FXYD6: variants seen among roughly 807,000 people sequenced by gnomAD.
FXYD6 encodes FXYD domain-containing ion transport regulator 6.
A neutral mutation model predicts 16.7 loss-of-function variants in FXYD6; 7 were observed. That is an observed-to-expected ratio of 0.42 (90% CI 0.24 to 0.79). FXYD6 has a LOEUF of 0.79. FXYD6 is among the 30% of genes least tolerant of loss of function. The pLI is 0.28. For synonymous variants in FXYD6, 49 were observed against 43.0 expected (o/e 1.14, Z -0.54); for missense variants, 111 against 116.2 (o/e 0.95, Z 0.21).
chr11:117,857,525 C>G (rs939627271), intron 1 of FXYD6, among the ~76,000 whole-genome samples: 1 of 151,286 alleles, frequency 6.6e-6, no homozygotes, highest in Non-Finnish European at 1.5e-5. Flanking sequence ...TCTCCTGTCT[C>G]AGCCTCCTGA....
chr11:117,874,100 C>A (rs1008915679), intron 1 of FXYD6, among the ~76,000 whole-genome samples: 32 of 152,178 alleles, frequency 2.1e-4, no homozygotes, highest in African/African-American at 7.7e-4. Flanking sequence ...GCCTCAGTTT[C>A]CCCCACTGTG....
chr11:117,847,982 C>T (rs1005676214), intron 1 of FXYD6, among the ~76,000 whole-genome samples: 2 of 152,182 alleles, frequency 1.3e-5, no homozygotes, highest in African/African-American at 4.8e-5. Flanking sequence ...GTCCCACCAA[C>T]AGTGTAAAAT....
intron 1 of FXYD6, among the ~76,000 whole-genome samples, chr11:117,871,177 G>T (rs1212566991): frequency 6.6e-6 from 1 of 152,126 alleles, no homozygotes; most frequent in African/African-American, 2.4e-5. Context: ...CTCAGATGGG[G>T]TCAAATTCTT....
At chr11:117,861,049 G>C (rs2056893403) in intron 1 of FXYD6, among the ~76,000 whole-genome samples, 1 of 152,150 alleles carries the variant, frequency 6.6e-6, no homozygotes, top group African/African-American at 2.4e-5. Context: ...CTGTGGCCTC[G>C]GGAGCGTTAC....
chr11:117,842,166 G>T (rs1217458301), intron 2 of FXYD6, 138 bp from the exon 3 acceptor site: 5 of 1,343,690 alleles, frequency 3.7e-6, no homozygotes, highest in South Asian at 1.3e-5. Context: ...ATGCCTAGAG[G>T]TGCACGGTAG....
intron 1 of FXYD6, among the ~76,000 whole-genome samples, chr11:117,845,924 A>C (rs1462611917): frequency 6.6e-6 from 1 of 152,248 alleles, no homozygotes; most frequent in Non-Finnish European, 1.5e-5. Context: ...CACACTCGGC[A>C]GTTTGAACAG....
rs75448355 is a variant in FXYD6, at chr11:117,860,418, C to T, written c.-6+16174G>A. 7.0e-3 allele frequency among the ~76,000 whole-genome samples: 1,071 copies of T among 152,324 alleles called. 6 individuals carry two copies. The highest frequency in any genetic ancestry group is 0.011 in the Non-Finnish European group (743 of 68,028). On this transcript the variant is annotated intron_variant, in intron 1 of 7. Transcript: ENST00000526014. ...CGCAGAGAGCCACAATGCAGGGGCTCCCGCATCTGGATGAACATTTACCAA... is the reference window on the plus strand; with the variant it reads ...CGCAGAGAGCCACAATGCAGGGGCTTCCGCATCTGGATGAACATTTACCAA...
chr11:117,867,880 G>A lies in FXYD6; in HGVS notation c.-6+8712C>T, dbSNP rs76921515. On this transcript the variant is annotated intron_variant, in intron 1 of 7. Transcript: ENST00000526014. ...AAGAAAGAAAAGAAAAAAGATGCCT[G>A]GAAATCAACTCAGCCACATTCAGCT... 0.012 allele frequency among the ~76,000 whole-genome samples: 1,893 copies of A among 152,270 alleles called. 179 individuals carry two copies. The East Asian group carries it at 0.19, about 15-fold the overall frequency.
At chr11:117,860,709 T>G (rs562105002) in intron 1 of FXYD6, among the ~76,000 whole-genome samples, 64 of 152,310 alleles carry the variant, frequency 4.2e-4, no homozygotes, top group African/African-American at 1.5e-3. Context: ...ATGATCAAGG[T>G]CAAGTGAGAT....
At chr11:117,838,332 A>C in intron 7 of FXYD6, 55 bp from the exon 8 acceptor site, 1 of 702,204 alleles carries the variant, frequency 1.4e-6, no homozygotes, top group Non-Finnish European at 2.6e-6. Context: ...TGGTATCCTT[A>C]TCTGCTTCTC....
rs140190466 is a variant in FXYD6, at chr11:117,838,691, T to C, written c.*22-414A>G. The C allele has an allele frequency of 1.7e-3, 347 of 208,340 alleles. 3 individuals carry two copies. The highest frequency in any genetic ancestry group is 7.6e-3 in the African/African-American group (334 of 43,844). The allele number at this position is 208,340 out of a possible 1,614,324, so 12.9% of individuals were successfully genotyped here. ...GCTACCAGGAAGGGCACCTGCCTCC[T>C]AGATCGGAATCTTCGTCCATTCGCA... On this transcript the variant is annotated intron_variant, in intron 7 of 7. Coordinates refer to ENST00000526014, the MANE Select transcript of FXYD6 (RefSeq NM_022003.4).
Position 117,856,005 on chromosome 11 carries a change from T to C in FXYD6, c.-5-13224A>G, listed in dbSNP as rs78654463. 0.021 allele frequency among the ~76,000 whole-genome samples: 3,244 copies of C among 152,244 alleles called. 290 individuals are homozygous for C. The East Asian group carries it at 0.25, about 12-fold the overall frequency. On this transcript the variant is annotated intron_variant, in intron 1 of 7. Transcript: ENST00000526014. ...CTGTTTCCGCTCATTTTTCCTCTCC[T>C]TTCTGTGCTCTTGTTTATCTCCATA...
intron 1 of FXYD6, among the ~76,000 whole-genome samples, chr11:117,862,768 G>A (rs749992977): frequency 2.6e-5 from 4 of 152,174 alleles, no homozygotes; most frequent in African/African-American, 9.7e-5. Context: ...TTCCTAAGAT[G>A]GCCCTGTTCC....
At chr11:117,860,182 G>C (rs141849844) in intron 1 of FXYD6, among the ~76,000 whole-genome samples, 1 of 152,064 alleles carries the variant, frequency 6.6e-6, no homozygotes, top group Admixed American at 6.6e-5. Context: ...GGTTTCCTTC[G>C]ATCCCAGAGC....
chr11:117,866,532 G>C (rs187191128), intron 1 of FXYD6, among the ~76,000 whole-genome samples: 1 of 152,170 alleles, frequency 6.6e-6, no homozygotes, highest in South Asian at 2.1e-4. Flanking sequence ...CTATGACTGA[G>C]GTTGGGGTAA....
intron 1 of FXYD6, among the ~76,000 whole-genome samples, chr11:117,869,717 G>A (rs1229649589): frequency 2.0e-5 from 3 of 152,208 alleles, no homozygotes; most frequent in African/African-American, 7.2e-5. Context: ...ATAACTGACT[G>A]TGAAAAGAAA....
chr11:117,850,411 CTA>C (rs1481115207), intron 1 of FXYD6, among the ~76,000 whole-genome samples: 1 of 152,176 alleles, frequency 6.6e-6, no homozygotes, highest in Non-Finnish European at 1.5e-5. Context: ...GTCTTAAATT[CTA>C]TGTTACTCTC....
At chr11:117,860,065 T>C (rs927299172) in intron 1 of FXYD6, among the ~76,000 whole-genome samples, 1 of 152,126 alleles carries the variant, frequency 6.6e-6, no homozygotes, top group Non-Finnish European at 1.5e-5. Flanking sequence ...GAAACTGAGG[T>C]AGGGAAAGAG....
intron 1 of FXYD6, among the ~76,000 whole-genome samples, chr11:117,865,241 T>C (rs112445485): frequency 0.047 from 7,096 of 152,254 alleles, 534 homozygotes; most frequent in African/African-American, 0.16. Context: ...TGTGGAGAAA[T>C]TGGAACCACT....
Sources: allele counts gnomAD v4.1 joint callset (sites outside exome capture counted in the v4.1 genomes callset), GRCh38; gene constraint gnomAD v4.1.1; transcripts MANE v1.5; gene names NCBI Gene and HGNC (gene_info 2026-07-23, HGNC 2026-07-21).